Variants in VPS13B observed in about 807,000 individuals in gnomAD.
VPS13B encodes the protein intermembrane lipid transfer protein VPS13B.
A neutral mutation model predicts 426.4 loss-of-function variants in VPS13B; 285 were observed. The observed-to-expected ratio is 0.67, with a 90% CI of 0.61 to 0.74. The LOEUF (loss-of-function observed/expected upper bound fraction) is 0.74, where lower values mean the gene tolerates loss of function less well. VPS13B is among the 30% of genes least tolerant of loss of function. VPS13B has a pLI of 0.00. For synonymous variants in VPS13B, 1,676 were observed against 1,676.4 expected (o/e 1.00, Z 0.01); for missense variants, 4,537 against 4,782.6 (o/e 0.95, Z 1.51).
intron 15 of VPS13B, among the ~76,000 whole-genome samples, chr8:99,163,462 G>T (rs1432719780): frequency 6.6e-6 from 1 of 152,214 alleles, no homozygotes; most frequent in East Asian, 1.9e-4. Context: ...GGTGCTCGTT[G>T]GGGAGGCTCG....
At chr8:99,176,273 T>TA (rs1287151270) in intron 16 of VPS13B, among the ~76,000 whole-genome samples, 1 of 152,108 alleles carries the variant, frequency 6.6e-6, no homozygotes, top group Non-Finnish European at 1.5e-5. Context: ...TAGCTGGGAT[T>TA]ACAGGTGCTT....
intron 16 of VPS13B, among the ~76,000 whole-genome samples, chr8:99,187,099 T>C (rs1201426131): frequency 6.6e-6 from 1 of 152,198 alleles, no homozygotes; most frequent in Non-Finnish European, 1.5e-5. Flanking sequence ...TAGGACCTCC[T>C]AATTGCCACA....
intron 61 of VPS13B, among the ~76,000 whole-genome samples, chr8:99,872,611 T>C (rs1273016020): frequency 1.3e-5 from 2 of 152,232 alleles, no homozygotes; most frequent in Non-Finnish European, 2.9e-5. Flanking sequence ...TCCTGGATGA[T>C]GGCCTGATCC....
Position 99,577,551 on chromosome 8 carries a change from TAAGTGTGGCTCAAGTTCA to T in VPS13B, c.5140_5157del (p.Ser1714_Gln1719del), listed in dbSNP as rs180177362. 1 of 1,613,932 alleles carries T rather than the reference TAAGTGTGGCTCAAGTTCA, an allele frequency of 6.2e-7. No individual in the cohort carries two copies. The highest frequency in any genetic ancestry group is 8.5e-7 in the Non-Finnish European group (1 of 1,179,798). On this transcript the variant is annotated inframe_deletion, in exon 33 of 62. Coordinates refer to ENST00000357162, the MANE Select transcript of VPS13B (RefSeq NM_152564.5). Reference sequence around the variant, plus strand: ...ATAACCACAAACCTGGACTTCTTCCTAAGTGTGGCTCAAGTTCAACTCTTACATCAGTTAATAGTAGCA... The same window carrying T: ...ATAACCACAAACCTGGACTTCTTCCTACTCTTACATCAGTTAATAGTAGCA...
At chr8:99,793,955 C>A (rs1812684738) in intron 43 of VPS13B, among the ~76,000 whole-genome samples, 1 of 152,136 alleles carries the variant, frequency 6.6e-6, no homozygotes, top group Admixed American at 6.5e-5. Flanking sequence ...TATAAAGTTC[C>A]TAGTAAAGGA....
At chr8:99,663,601 G>A (rs1258724506) in intron 35 of VPS13B, among the ~76,000 whole-genome samples, 1 of 152,170 alleles carries the variant, frequency 6.6e-6, no homozygotes, top group Non-Finnish European at 1.5e-5. Flanking sequence ...TTTACACTGT[G>A]ATACAGGGCC....
chr8:99,108,674 A>G (rs927188206), intron 5 of VPS13B, among the ~76,000 whole-genome samples: 3 of 151,826 alleles, frequency 2.0e-5, no homozygotes, highest in Non-Finnish European at 4.4e-5. Context: ...TGTTTTGGTT[A>G]TTATTGCTTT....
intron 25 of VPS13B, among the ~76,000 whole-genome samples, chr8:99,495,320 A>G (rs1326671445): frequency 6.6e-6 from 1 of 152,226 alleles, no homozygotes; most frequent in Admixed American, 6.5e-5. Flanking sequence ...GTAAAACTAT[A>G]TTTACAATAT....
chr8:99,423,259 GT>G (rs944355858), intron 21 of VPS13B, among the ~76,000 whole-genome samples: 62 of 151,420 alleles, frequency 4.1e-4, no homozygotes, highest in African/African-American at 1.5e-3. Context: ...AAAAGTATGT[GT>G]GAATTTTTTT....
chr8:99,461,672 G>A (rs995078695), intron 23 of VPS13B, among the ~76,000 whole-genome samples: 1 of 151,984 alleles, frequency 6.6e-6, no homozygotes, highest in African/African-American at 2.4e-5. Context: ...TCCTAATAAA[G>A]AGCCTTTGCA....
intron 3 of VPS13B, among the ~76,000 whole-genome samples, chr8:99,057,700 C>A (rs147867253): frequency 1.3e-5 from 2 of 152,248 alleles, no homozygotes; most frequent in East Asian, 3.9e-4. Context: ...AAACTGAAAT[C>A]ATCTTAAACC....
intron 17 of VPS13B, among the ~76,000 whole-genome samples, chr8:99,201,079 A>G (rs1814290358): frequency 6.6e-6 from 1 of 151,506 alleles, no homozygotes; most frequent in African/African-American, 2.4e-5. Flanking sequence ...TTTCTATGAC[A>G]CTATAATTTT....
chr8:99,622,994 A>G (rs959523840), intron 33 of VPS13B, among the ~76,000 whole-genome samples: 1 of 152,238 alleles, frequency 6.6e-6, no homozygotes, highest in African/African-American at 2.4e-5. Context: ...CACAGCAGCC[A>G]GAGTGATCCT....
At chr8:99,823,287 TTG>T (rs1814484994) in intron 50 of VPS13B, among the ~76,000 whole-genome samples, 1 of 152,208 alleles carries the variant, frequency 6.6e-6, no homozygotes. Context: ...TGTGAGGATT[TTG>T]TGAGTTAATA....
intron 8 of VPS13B, among the ~76,000 whole-genome samples, chr8:99,125,034 A>G (rs1848131133): frequency 6.6e-6 from 1 of 152,190 alleles, no homozygotes; most frequent in Non-Finnish European, 1.5e-5. Flanking sequence ...GGACAGAACT[A>G]ATAGGCTATA....
chr8:99,640,058 A>AGAAGAAG (rs1400114054), intron 33 of VPS13B, among the ~76,000 whole-genome samples: 19 of 68,444 alleles, frequency 2.8e-4, no homozygotes, highest in African/African-American at 1.1e-3. Flanking sequence ...AGAGAAAAGA[A>AGAAGAAG]AAGAAAAGAA....
intron 19 of VPS13B, among the ~76,000 whole-genome samples, chr8:99,343,723 A>C (rs752844102): frequency 9.9e-5 from 15 of 152,246 alleles, no homozygotes; most frequent in Non-Finnish European, 2.1e-4. Flanking sequence ...CAACAAAAGT[A>C]GGTATAAATT....
Position 99,778,777 on chromosome 8 carries a change from C to G in VPS13B, c.7525C>G (p.Leu2509Val), listed in dbSNP as rs1811867338. ...IVSFREPHMY[L>V]RQWNNGSVCQ... is the part of the protein sequence containing the mutation. Reference sequence around the variant, plus strand: ...TTCCTTCAGAGAACCACACATGTATCTTCGACAGTGGAATAATGGTTCTGT... The same window carrying G: ...TTCCTTCAGAGAACCACACATGTATGTTCGACAGTGGAATAATGGTTCTGT... Residue 2509 changes from leucine to valine, a missense_variant, in exon 42 of 62, where the codon CTT (leucine) becomes GTT (valine). This residue lies in a region of VPS13B where 4,311 missense variants were observed against 4,474.3 expected (regional missense o/e 0.96). Transcript: ENST00000357162. 6.2e-7 allele frequency: 1 copy of G among 1,613,948 alleles called. No individual in the cohort carries two copies. Among genetic ancestry groups the G allele is most frequent in the South Asian group, 1.1e-5 (1 of 91,080 alleles).
At chr8:99,052,918 C>T (rs1280505346) in intron 3 of VPS13B, among the ~76,000 whole-genome samples, 1 of 151,926 alleles carries the variant, frequency 6.6e-6, no homozygotes, top group East Asian at 1.9e-4. Context: ...TGATTCTTCT[C>T]TCTTTTCTTC....
Sources: allele counts gnomAD v4.1 joint callset (sites outside exome capture counted in the v4.1 genomes callset), GRCh38; gene constraint gnomAD v4.1.1; regional missense constraint gnomAD v4.1.1; transcripts MANE v1.5; gene names NCBI Gene and HGNC (gene_info 2026-07-23, HGNC 2026-07-21).